Variants in SLC36A4 observed in about 807,000 individuals in gnomAD.
The protein encoded by SLC36A4 is neutral amino acid uniporter 4.
In SLC36A4, 49 loss-of-function variants were observed where a neutral mutation model predicts 50.5. The observed-to-expected ratio is 0.97, with a 90% CI of 0.77 to 1.23. SLC36A4 has a LOEUF of 1.23. SLC36A4 is among the 50% of genes most tolerant of loss of function. The probability of loss-of-function intolerance (pLI) is 0.00; values close to 1 mark genes in which losing one functional copy is unlikely to be tolerated. For missense variants in SLC36A4, 611 were observed against 608.4 expected (o/e 1.00, Z -0.05); for synonymous variants, 207 against 206.5 (o/e 1.00, Z -0.02).
chr11:93,145,830 C>T lies in SLC36A4; in HGVS notation c.*2707G>A, dbSNP rs1190771786. ...GCAAGAGCTGGTATAATCGAAATAT[C>T]GTCTCCAAAATCTTTAGGAAATTTT... On this transcript the variant is annotated 3_prime_UTR_variant, in exon 11 of 11. Transcript: ENST00000326402. 1.3e-5 allele frequency: 2 copies of T among 152,020 alleles called. No individual in the cohort carries two copies. The highest frequency in any genetic ancestry group is 6.6e-5 in the Admixed American group (1 of 15,236). The allele number at this position is 152,020 out of a possible 1,614,324, so 9.4% of individuals were successfully genotyped here. A position where few individuals can be genotyped will look rare whatever the true frequency, so the allele number is the denominator to read the frequency against.
At chr11:93,171,336 C>T (rs1016969815) in intron 6 of SLC36A4, 8 of 151,958 alleles carry the variant, frequency 5.3e-5, no homozygotes, top group Admixed American at 4.6e-4. Flanking sequence ...TTTATTTTAT[C>T]GACCTTATCT....
intron 2 of SLC36A4, among the ~76,000 whole-genome samples, chr11:93,185,055 A>G (rs930653288): frequency 6.6e-6 from 1 of 152,296 alleles, no homozygotes; most frequent in African/African-American, 2.4e-5. Flanking sequence ...GATAAACACG[A>G]ATCAATTTTT....
chr11:93,173,219 T>C (rs1330562273), intron 6 of SLC36A4, among the ~76,000 whole-genome samples: 1 of 150,202 alleles, frequency 6.7e-6, no homozygotes, highest in Non-Finnish European at 1.5e-5. Context: ...TTTTTTCATG[T>C]GTTTTTTGGC....
chr11:93,162,611 G>A (rs906067219), intron 9 of SLC36A4, 95 bp downstream of exon 9: 2 of 1,115,044 alleles, frequency 1.8e-6, no homozygotes, highest in African/African-American at 3.2e-5. Context: ...AATTTTAAAT[G>A]TTTAAACCAT....
chr11:93,185,692 A>G lies in SLC36A4; in HGVS notation c.178T>C (p.Ser60Pro), dbSNP rs775849364. Residue 60 changes from serine to proline, a missense_variant and splice_region_variant, in exon 2 of 11, where the codon TCA (serine) becomes CCA (proline). Coordinates refer to ENST00000326402, the MANE Select transcript of SLC36A4 (RefSeq NM_152313.4). ...AGACTTATAAACCATAACACTTACG[A>G]AATGCCCTCTTGATCATCAAGTTGG... ...HYQLDDQEGISFVQTLMHLLK... is the reference protein window; with the variant it reads ...HYQLDDQEGIPFVQTLMHLLK... 1 of 1,583,784 alleles carries G rather than the reference A, an allele frequency of 6.3e-7. No individual in the cohort carries two copies. Among genetic ancestry groups the G allele is most frequent in the Non-Finnish European group, 8.5e-7 (1 of 1,171,508 alleles).
At chr11:93,194,186 G>A (rs1317348455) in intron 1 of SLC36A4, among the ~76,000 whole-genome samples, 1 of 152,054 alleles carries the variant, frequency 6.6e-6, no homozygotes, top group Non-Finnish European at 1.5e-5. Context: ...TGGATCATTA[G>A]TGTGCTTTTC....
intron 9 of SLC36A4, chr11:93,159,673 C>G: frequency 8.8e-6 from 3 of 341,770 alleles, no homozygotes; most frequent in Non-Finnish European, 1.2e-5. Context: ...ACTAGTAAAA[C>G]CTTTAAAATA....
chr11:93,148,530 G>C lies in SLC36A4; in HGVS notation c.*7C>G. On this transcript the variant is annotated 3_prime_UTR_variant, in exon 11 of 11. Coordinates refer to ENST00000326402, the MANE Select transcript of SLC36A4 (RefSeq NM_152313.4). ...ACAAAAATAGAAGACTCATGATTCT[G>C]CTTTTACTATTTCAAACCAGATGTT... 6.3e-7 allele frequency: 1 copy of C among 1,599,730 alleles called. No homozygotes were observed. The highest frequency in any genetic ancestry group is 2.0e-4 in the Middle Eastern group (1 of 5,074).
chr11:93,148,974 T>C, intron 10 of SLC36A4, 130 bp from the exon 11 acceptor site: 2 of 1,006,956 alleles, frequency 2.0e-6, no homozygotes, highest in East Asian at 2.6e-5. Context: ...TACTAAACTA[T>C]TGCTTGTGAA....
intron 6 of SLC36A4, chr11:93,179,945 GC>G: frequency 3.3e-6 from 1 of 299,582 alleles, no homozygotes; most frequent in Non-Finnish European, 4.9e-6. Context: ...GTGAAATGAA[GC>G]ATAGTCTATA....
chr11:93,170,145 T>C (rs1565225687), intron 6 of SLC36A4: 1 of 152,104 alleles, frequency 6.6e-6, no homozygotes, highest in African/African-American at 2.4e-5. Context: ...TTGAGTCCTT[T>C]GGTGCCCTCT....
intron 10 of SLC36A4, among the ~76,000 whole-genome samples, chr11:93,153,293 T>A (rs1427547529): frequency 6.6e-6 from 1 of 152,120 alleles, no homozygotes; most frequent in Admixed American, 6.6e-5. Flanking sequence ...CAGTTTAGTT[T>A]GGTGATGTAA....
At chr11:93,172,509 A>C in intron 6 of SLC36A4, among the ~76,000 whole-genome samples, 1 of 150,316 alleles carries the variant, frequency 6.7e-6, no homozygotes, top group South Asian at 2.1e-4. Flanking sequence ...GCTTAGTTAC[A>C]TATTTATACA....
chr11:93,170,761 G>A (rs1278113373), intron 6 of SLC36A4, among the ~76,000 whole-genome samples: 2 of 151,924 alleles, frequency 1.3e-5, no homozygotes, highest in Admixed American at 1.3e-4. Flanking sequence ...TAACCACTAT[G>A]GACTAGACTT....
chr11:93,177,427 C>T (rs1359884350), intron 6 of SLC36A4, among the ~76,000 whole-genome samples: 1 of 152,164 alleles, frequency 6.6e-6, no homozygotes, highest in East Asian at 1.9e-4. Flanking sequence ...TTTGTTACTA[C>T]CGATCGTCTG....
At chr11:93,180,050 C>G (rs1400774023) in intron 6 of SLC36A4, 1 of 935,038 alleles carries the variant, frequency 1.1e-6, no homozygotes, top group East Asian at 1.2e-4. Context: ...ATAAAAATAT[C>G]TACAAGACAA....
chr11:93,181,560 TTAACTC>T, intron 5 of SLC36A4, 125 bp downstream of exon 5: 1 of 608,136 alleles, frequency 1.6e-6, no homozygotes, highest in Non-Finnish European at 2.4e-6. Flanking sequence ...CTAAGTCTGT[TTAACTC>T]TAAGGGTTAC....
chr11:93,159,865 C>T (rs1860540282), intron 9 of SLC36A4: 1 of 985,356 alleles, frequency 1.0e-6, no homozygotes, highest in Non-Finnish European at 1.2e-6. Context: ...CCCTAATATA[C>T]TCTGAGACTT....
intron 6 of SLC36A4, among the ~76,000 whole-genome samples, chr11:93,169,254 C>T (rs1861023717): frequency 6.6e-6 from 1 of 151,902 alleles, no homozygotes; most frequent in Non-Finnish European, 1.5e-5. Context: ...AATATTAATC[C>T]CAATTTATAG....
Sources: gnomAD v4.1 joint callset for allele counts (sites outside exome capture counted in the v4.1 genomes callset) on GRCh38, gnomAD v4.1.1 for gene constraint, MANE v1.5 for transcripts, NCBI Gene and HGNC (gene_info 2026-07-23, HGNC 2026-07-21) for gene names.